The following GAS7 variants were observed in gnomAD, a reference collection of about 807,000 sequenced individuals.
GAS7 encodes growth arrest specific 7, also known as growth arrest-specific protein 7.
GAS7 carries 28 observed loss-of-function variants against 71.1 expected under a neutral mutation model. The observed-to-expected ratio is 0.39, with a 90% CI of 0.29 to 0.54. The LOEUF (loss-of-function observed/expected upper bound fraction) is 0.54, where lower values mean the gene tolerates loss of function less well. GAS7 is among the 20% of genes least tolerant of loss of function. The pLI is 0.62. For missense variants in GAS7, 436 were observed against 627.8 expected (o/e 0.69, Z 3.27); for synonymous variants, 258 against 245.8 (o/e 1.05, Z -0.46).
At chr17:9,966,905 G>A (rs1008349914) in intron 4 of GAS7, among the ~76,000 whole-genome samples, 1 of 152,178 alleles carries the variant, frequency 6.6e-6, no homozygotes, top group African/African-American at 2.4e-5. Flanking sequence ...AAAAGTAGTA[G>A]CTTTTATATA....
chr17:10,145,765 G>A (rs185649581), intron 1 of GAS7, among the ~76,000 whole-genome samples: 25 of 152,302 alleles, frequency 1.6e-4, no homozygotes, highest in East Asian at 7.7e-4. Context: ...CTGAGGGAAG[G>A]GGGAAACAGC....
At chr17:9,942,650 C>A (rs115009608) in intron 7 of GAS7, among the ~76,000 whole-genome samples, 1 of 152,126 alleles carries the variant, frequency 6.6e-6, no homozygotes, top group East Asian at 1.9e-4. Context: ...ATCCCCCCCA[C>A]TGGTTACGGT....
rs985551910 is a variant in GAS7 at position 10,117,207 on chromosome 17, G to A, written c.183+81001C>T. On this transcript the variant is annotated intron_variant, in intron 1 of 13. Transcript: ENST00000432992. The stretch of plus-strand genomic sequence containing the variant: ...CCCTGGCTTTCGGCCCCTTCCTCTC[G>A]TCACTCAGCCTCTTGCTTCCAACAT... Among the ~76,000 whole-genome samples the A allele has an allele frequency of 4.6e-5, 7 of 152,010 alleles. No homozygotes were observed. In the East Asian group the frequency reaches 7.7e-4, roughly 17 times the overall value.
chr17:10,011,666 G>T (rs535284693), intron 2 of GAS7, among the ~76,000 whole-genome samples: 2 of 152,090 alleles, frequency 1.3e-5, no homozygotes, highest in African/African-American at 4.8e-5. Flanking sequence ...CTTTATAGTG[G>T]GGGAGAAAGG....
chr17:10,101,675 A>C (rs1048821594), intron 1 of GAS7, among the ~76,000 whole-genome samples: 1 of 152,088 alleles, frequency 6.6e-6, no homozygotes, highest in Admixed American at 6.5e-5. Flanking sequence ...GCTACCACTT[A>C]AAACCCAGGG....
chr17:9,982,710 A>C (rs1351574468), intron 2 of GAS7, among the ~76,000 whole-genome samples: 4 of 151,844 alleles, frequency 2.6e-5, no homozygotes, highest in Non-Finnish European at 5.9e-5. Flanking sequence ...TGGGAGGCAG[A>C]GGTTGCAGTG....
intron 1 of GAS7, among the ~76,000 whole-genome samples, chr17:10,031,359 A>G (rs1196371397): frequency 1.3e-5 from 2 of 152,236 alleles, no homozygotes; most frequent in Non-Finnish European, 2.9e-5. Flanking sequence ...CCCTGCAGCA[A>G]GGATACAGGA....
intron 1 of GAS7, among the ~76,000 whole-genome samples, chr17:10,088,429 C>T (rs2073545664): frequency 1.3e-5 from 2 of 151,926 alleles, no homozygotes; most frequent in African/African-American, 2.4e-5. Flanking sequence ...TACTCTGAGC[C>T]TCCAGGCTGA....
chr17:10,139,761 G>A (rs963829945), intron 1 of GAS7, among the ~76,000 whole-genome samples: 1 of 152,228 alleles, frequency 6.6e-6, no homozygotes, highest in African/African-American at 2.4e-5. Flanking sequence ...TATGGTGCGG[G>A]AAAGGGAAGA....
intron 1 of GAS7, among the ~76,000 whole-genome samples, chr17:10,150,415 TACACACACACACAC>T (rs3051267): frequency 6.3e-4 from 92 of 145,898 alleles, no homozygotes; most frequent in African/African-American, 2.1e-3. Flanking sequence ...ACTGGTTAAG[TACACACACACACAC>T]ACACACACAC....
chr17:10,118,528 CG>C (rs1407848356), intron 1 of GAS7, among the ~76,000 whole-genome samples: 1 of 152,016 alleles, frequency 6.6e-6, no homozygotes, highest in Non-Finnish European at 1.5e-5. Flanking sequence ...CTGGCCAACA[CG>C]GTAAAACCCC....
At chr17:10,006,748 A>C in intron 2 of GAS7, among the ~76,000 whole-genome samples, 1 of 152,168 alleles carries the variant, frequency 6.6e-6, no homozygotes, top group East Asian at 1.9e-4. Context: ...TAAAGCTTTG[A>C]AATTATAAGA....
chr17:9,952,756 G>A (rs776748764), intron 5 of GAS7, among the ~76,000 whole-genome samples: 5 of 152,050 alleles, frequency 3.3e-5, no homozygotes, highest in South Asian at 4.1e-4. Flanking sequence ...GCTCATCACC[G>A]CTAATCATTA....
intron 1 of GAS7, among the ~76,000 whole-genome samples, chr17:10,072,461 T>G (rs537765571): frequency 6.1e-4 from 93 of 152,220 alleles, no homozygotes; most frequent in African/African-American, 2.2e-3. Context: ...ATTACCTCTG[T>G]CCACCCTGAG....
intron 1 of GAS7, among the ~76,000 whole-genome samples, chr17:10,137,707 TTTTTTGTA>T (rs2142093510): frequency 6.6e-6 from 1 of 151,886 alleles, no homozygotes; most frequent in South Asian, 2.1e-4. Flanking sequence ...ACCAAGCTAA[TTTTTTGTA>T]TTTTTAGTAG....
At chr17:10,176,636 G>C (rs2074376069) in intron 1 of GAS7, among the ~76,000 whole-genome samples, 1 of 152,172 alleles carries the variant, frequency 6.6e-6, no homozygotes, top group African/African-American at 2.4e-5. Context: ...TTAAAACCCA[G>C]GGCCCTCAGC....
intron 9 of GAS7, among the ~76,000 whole-genome samples, chr17:9,932,730 G>C (rs972843334): frequency 2.7e-4 from 41 of 152,258 alleles, no homozygotes; most frequent in East Asian, 1.9e-4. Flanking sequence ...GATAGTCAGA[G>C]GGCTCTGTTC....
In GAS7 at chr17:10,026,263, C is replaced by A; in HGVS notation, c.184-6366G>T. The A allele has an allele frequency of 1.0e-6, 1 of 985,540 alleles. No homozygotes were observed. Among genetic ancestry groups the A allele is most frequent in the Non-Finnish European group, 1.2e-6 (1 of 830,068 alleles). 61.0% of individuals were successfully genotyped at this position (985,540 alleles called of 1,614,324 possible). A position where few individuals can be genotyped will look rare whatever the true frequency, so the allele number is the denominator to read the frequency against. On this transcript the variant is annotated intron_variant, in intron 1 of 13. Coordinates refer to ENST00000432992, the MANE Select transcript of GAS7 (RefSeq NM_201433.2). The surrounding 1 kb of genome is among the most constrained non-coding windows in gnomAD (Gnocchi z 4.5). ...TAAGGTCTCCCACTCTGCATCCTCT[C>A]ACACCCCAAACCCAGAAGCAATAGG... is the stretch of plus-strand genomic sequence containing the variant.
intron 1 of GAS7, among the ~76,000 whole-genome samples, chr17:10,043,201 C>T (rs956621869): frequency 6.6e-6 from 1 of 152,124 alleles, no homozygotes; most frequent in African/African-American, 2.4e-5. Flanking sequence ...CTGTGCCTTT[C>T]ATTAGTGCAT....
Sources: gnomAD v4.1 joint callset for allele counts (sites outside exome capture counted in the v4.1 genomes callset) on GRCh38, gnomAD v4.1.1 for gene constraint, Gnocchi (gnomAD v3.1) non-coding constraint, MANE v1.5 for transcripts, NCBI Gene and HGNC (gene_info 2026-07-23, HGNC 2026-07-21) for gene names.